PCDHGC5: variants seen among roughly 807,000 people sequenced by gnomAD.
PCDHGC5 encodes protocadherin gamma subfamily C, 5.
A neutral mutation model predicts 59.0 loss-of-function variants in PCDHGC5; 25 were observed. That is an observed-to-expected ratio of 0.42 (90% CI 0.31 to 0.59). The LOEUF is 0.59. Among genes scored for constraint, PCDHGC5 ranks in the 20% least tolerant of loss-of-function variants. The probability of loss-of-function intolerance (pLI) is 0.13; values close to 1 mark genes in which losing one functional copy is unlikely to be tolerated. For synonymous variants in PCDHGC5, 434 were observed against 505.5 expected (o/e 0.86, Z 1.90); for missense variants, 1,067 against 1,206.4 (o/e 0.88, Z 1.71).
At chr5:141,499,019 AG>A (rs2099788634) in intron 2 of PCDHGC5, among the ~76,000 whole-genome samples, 3 of 150,840 alleles carry the variant, frequency 2.0e-5, no homozygotes, top group Non-Finnish European at 3.0e-5. Context: ...GAAGGAAGGA[AG>A]GAAGGAAGAA....
At position 141,489,733 on chromosome 5, in the gene PCDHGC5, A is replaced by C; in HGVS notation, c.493A>C (p.Asn165His). ...TGCCCAGGATCCGGATGTGGGCACC[A>C]ATACTGTGAGCTTTTACACTCTAAG... ...DSAQDPDVGT[N>H]TVSFYTLSPN... Residue 165 changes from asparagine to histidine, a missense_variant, in exon 1 of 4, where the codon AAT becomes CAT. Coordinates refer to ENST00000252087, the MANE Select transcript of PCDHGC5 (RefSeq NM_018929.3). This position sits in a 1 kb window ranked among gnomAD's most constrained non-coding sequence, Gnocchi z 4.5. 1 of 1,614,168 alleles carries C rather than the reference A, an allele frequency of 6.2e-7. No individual in the cohort carries two copies. The highest frequency in any genetic ancestry group is 1.1e-5 in the South Asian group (1 of 91,078).
At chr5:141,492,710 G>A (rs11953270) in intron 1 of PCDHGC5, among the ~76,000 whole-genome samples, 27,341 of 152,278 alleles carry the variant, frequency 0.18, 2,647 homozygotes, top group Admixed American at 0.28. Flanking sequence ...GAAGCCTCGA[G>A]CAGGCGGACA....
chr5:141,489,837 G>A lies in PCDHGC5; in HGVS notation c.597G>A (p.Gln199=). 6.2e-7 allele frequency: 1 copy of A among 1,614,204 alleles called. No individual in the cohort carries two copies. ...TCCCAGAGCTGGTGCTAGAGCAGCAGCTGGATCGTGAAGCCCAGGCAAGAC... is the reference window on the plus strand; with the variant it reads ...TCCCAGAGCTGGTGCTAGAGCAGCAACTGGATCGTGAAGCCCAGGCAAGAC... The part of the protein sequence containing the change: ...KPFPELVLEQ[Q]LDREAQARHQ... The change falls in exon 1 of 4, where the codon CAG becomes CAA. Residue 199 remains glutamine (Q), a synonymous_variant. Transcript: ENST00000252087. This position sits in a 1 kb window ranked among gnomAD's most constrained non-coding sequence, Gnocchi z 4.5.
rs763097687 is a variant in PCDHGC5 at position 141,489,361 on chromosome 5, C to G, written c.121C>G (p.Pro41Ala). Residue 41 changes from proline to alanine, a missense_variant, in exon 1 of 4, where the codon CCG (proline) becomes GCG (alanine). Transcript: ENST00000252087. This position sits in a 1 kb window ranked among gnomAD's most constrained non-coding sequence, Gnocchi z 4.5. Reference sequence around the variant, plus strand: ...TTACTCAGTGGTGGAGGAGTCTGAGCCGGGGACGCTGGTGGGGAATGTTGC... The same window carrying G: ...TTACTCAGTGGTGGAGGAGTCTGAGGCGGGGACGCTGGTGGGGAATGTTGC... ...LRYSVVEESE[P>A]GTLVGNVAQD... 6.2e-7 allele frequency: 1 copy of G among 1,612,762 alleles called. No homozygotes were observed. Among genetic ancestry groups the G allele is most frequent in the African/African-American group, 1.3e-5 (1 of 74,874 alleles).
chr5:141,502,250 TA>T (rs2099813542), intron 2 of PCDHGC5, among the ~76,000 whole-genome samples: 1 of 152,242 alleles, frequency 6.6e-6, no homozygotes, highest in African/African-American at 2.4e-5. Flanking sequence ...TCCTTTTTTT[TA>T]ATCCAGGATT....
Position 141,505,420 on chromosome 5 carries a change from C to G in PCDHGC5, c.2547C>G (p.Thr849=), listed in dbSNP as rs1236398971. 6.2e-7 allele frequency: 1 copy of G among 1,614,102 alleles called. No individual in the cohort carries two copies. Among genetic ancestry groups the G allele is most frequent in the Non-Finnish European group, 8.5e-7 (1 of 1,180,034 alleles). ...SGSQNGDDTG[T]WPNNQFDTEM... is the part of the protein sequence containing the mutation. ...CCCAAAATGGCGATGACACCGGCACCTGGCCCAACAACCAGTTTGACACAG... is the reference window on the plus strand; with the variant it reads ...CCCAAAATGGCGATGACACCGGCACGTGGCCCAACAACCAGTTTGACACAG... The change falls in exon 3 of 4, where the codon ACC becomes ACG. Residue 849 remains threonine (T), a synonymous_variant. Coordinates refer to ENST00000252087, the MANE Select transcript of PCDHGC5 (RefSeq NM_018929.3).
intron 3 of PCDHGC5, among the ~76,000 whole-genome samples, chr5:141,505,969 A>G (rs1454691041): frequency 1.3e-5 from 2 of 152,142 alleles, no homozygotes; most frequent in Non-Finnish European, 2.9e-5. Context: ...AGAAATCCCC[A>G]GCCGAGAGAA....
At chr5:141,501,288 T>TATACAC (rs201660636) in intron 2 of PCDHGC5, among the ~76,000 whole-genome samples, 3,536 of 81,176 alleles carry the variant, frequency 0.044, 56 homozygotes, top group Admixed American at 0.065. Flanking sequence ...GATATTCCCT[T>TATACAC]ATACACACAC....
chr5:141,492,579 G>T (rs547852117), intron 1 of PCDHGC5, among the ~76,000 whole-genome samples: 2 of 152,356 alleles, frequency 1.3e-5, no homozygotes, highest in East Asian at 1.9e-4. Context: ...GAGGCGCGGG[G>T]CCAGGAGCGC....
Position 141,489,510 on chromosome 5 carries a change from T to A in PCDHGC5, c.270T>A (p.Ile90=), listed in dbSNP as rs762210983. 1 of 1,614,124 alleles carries A rather than the reference T, an allele frequency of 6.2e-7. No individual in the cohort carries two copies. The highest frequency in any genetic ancestry group is 1.7e-5 in the Admixed American group (1 of 60,022). The change falls in exon 1 of 4, where the codon ATT becomes ATA. Residue 90 remains isoleucine (I), a synonymous_variant. Transcript: ENST00000252087. This position sits in a 1 kb window ranked among gnomAD's most constrained non-coding sequence, Gnocchi z 4.5. ...MSGALAVNQK[I]DRESLCGAST... is the part of the protein sequence containing the mutation. Reference sequence around the variant, plus strand: ...GTGCCCTGGCAGTGAATCAAAAGATTGACCGAGAAAGCCTATGTGGAGCCA... The same window carrying A: ...GTGCCCTGGCAGTGAATCAAAAGATAGACCGAGAAAGCCTATGTGGAGCCA...
In PCDHGC5 at chr5:141,491,129, C is replaced by T; in HGVS notation, c.1889C>T (p.Thr630Ile). The change falls in exon 1 of 4, where the codon ACA becomes ATA. Residue 630 changes from threonine (T) to isoleucine (I), a missense_variant. Physicochemically the swap from Thr to Ile is moderately conservative, Grantham distance 89 (BLOSUM62 -1). Transcript: ENST00000252087. This position sits in a 1 kb window ranked among gnomAD's most constrained non-coding sequence, Gnocchi z 6.9. ...LVSTHTGEVR[T>I]ARALLEDDSD... Reference sequence around the variant, plus strand: ...TCTACACACACTGGTGAGGTGCGCACAGCCCGGGCCTTACTGGAGGATGAC... The same window carrying T: ...TCTACACACACTGGTGAGGTGCGCATAGCCCGGGCCTTACTGGAGGATGAC... 1.2e-6 allele frequency: 2 copies of T among 1,614,172 alleles called. No individual in the cohort carries two copies. The highest frequency in any genetic ancestry group is 1.7e-6 in the Non-Finnish European group (2 of 1,180,012).
intron 2 of PCDHGC5, among the ~76,000 whole-genome samples, chr5:141,496,411 CT>C (rs1266082660): frequency 6.6e-6 from 1 of 152,190 alleles, no homozygotes; most frequent in African/African-American, 2.4e-5. Context: ...TGGTTGAGTA[CT>C]TGCTGTCCAC....
Position 141,511,159 on chromosome 5 carries a change from AAGG to A in PCDHGC5, c.2824_2826del (p.Glu942del), listed in dbSNP as rs1477173987. 3 of 1,614,186 alleles carry A rather than the reference AAGG, an allele frequency of 1.9e-6. No individual in the cohort carries two copies. The highest frequency in any genetic ancestry group is 2.2e-5 in the East Asian group (1 of 44,872). On this transcript the variant is annotated inframe_deletion, in exon 4 of 4. Coordinates refer to ENST00000252087, the MANE Select transcript of PCDHGC5 (RefSeq NM_018929.3). ...TGGCAACAAGAAGAAGTCGGGCAAG[AAGG>A]AGAAGAAGTAACATGGAGGCCAGGC... is the stretch of plus-strand genomic sequence containing the variant.
intron 1 of PCDHGC5, among the ~76,000 whole-genome samples, chr5:141,492,409 C>G (rs1367119266): frequency 6.6e-6 from 1 of 152,230 alleles, no homozygotes; most frequent in Non-Finnish European, 1.5e-5. Flanking sequence ...TCCCCTCTGC[C>G]GCTCCCTCCG....
intron 1 of PCDHGC5, among the ~76,000 whole-genome samples, chr5:141,492,539 G>A (rs1474928199): frequency 1.3e-5 from 2 of 152,200 alleles, no homozygotes; most frequent in African/African-American, 2.4e-5. Context: ...GCCCCGGGCT[G>A]GGCCGGGTCG....
Position 141,490,958 on chromosome 5 carries a change from A to T in PCDHGC5, c.1718A>T (p.His573Leu), listed in dbSNP as rs771797392. 4.6e-5 allele frequency: 74 copies of T among 1,613,610 alleles called. No individual in the cohort carries two copies. The highest frequency in any genetic ancestry group is 1.6e-4 in the Middle Eastern group (1 of 6,084). ...CTGCACCCACGGCCAGACTGGGAAC[A>T]CTCAGCCCCCCAGCGTCTCCCTCGC... ...AVLHPRPDWE[H>L]SAPQRLPRSA... The change falls in exon 1 of 4, where the codon CAC (histidine) becomes CTC (leucine). Residue 573 changes from histidine to leucine, a missense_variant. Coordinates refer to ENST00000252087, the MANE Select transcript of PCDHGC5 (RefSeq NM_018929.3). This position sits in a 1 kb window ranked among gnomAD's most constrained non-coding sequence, Gnocchi z 5.4.
chr5:141,509,207 A>C (rs1263006059), intron 3 of PCDHGC5, among the ~76,000 whole-genome samples: 2 of 151,694 alleles, frequency 1.3e-5, no homozygotes, highest in Non-Finnish European at 2.9e-5. Context: ...CTGTCTCTCT[A>C]TTTCTCAATC....
chr5:141,499,047 GA>G (rs2099789201), intron 2 of PCDHGC5, among the ~76,000 whole-genome samples: 1 of 151,580 alleles, frequency 6.6e-6, no homozygotes, highest in South Asian at 2.1e-4. Flanking sequence ...GAAAAAGGGA[GA>G]AAAAATGAAG....
At position 141,493,223 on chromosome 5, in the gene PCDHGC5, A is replaced by G. The variant is rs2099747083; in HGVS notation, c.2460+1523A>G. Among the ~76,000 whole-genome samples, 1 of 152,142 alleles carries G rather than the reference A, an allele frequency of 6.6e-6. No homozygotes were observed. The highest frequency in any genetic ancestry group is 6.6e-5 in the Admixed American group (1 of 15,262). On this transcript the variant is annotated intron_variant, in intron 1 of 3. Transcript: ENST00000252087. The surrounding 1 kb of genome is among the most constrained non-coding windows in gnomAD (Gnocchi z 4.3). ...CCTCATCTCATTTGCTCTTCCCACC[A>G]TTGCTGTTGGCTAGGTACTAACATG...
Sources: allele counts gnomAD v4.1 joint callset (sites outside exome capture counted in the v4.1 genomes callset), GRCh38; gene constraint gnomAD v4.1.1; non-coding constraint Gnocchi (gnomAD v3.1); transcripts MANE v1.5; gene names NCBI Gene and HGNC (gene_info 2026-07-23, HGNC 2026-07-21).